The following WDR7 variants were observed in gnomAD, a reference collection of about 807,000 sequenced individuals.
WDR7 encodes the protein WD repeat-containing protein 7.
In WDR7, 46 loss-of-function variants were observed where a neutral mutation model predicts 169.4. That is an observed-to-expected ratio of 0.27 (90% confidence interval 0.21 to 0.35). The LOEUF is 0.35. WDR7 is among the 10% of genes least tolerant of loss of function. The pLI is 1.00. For synonymous variants in WDR7, 612 were observed against 666.8 expected, an observed-to-expected ratio of 0.92 and a Z score of 1.27; for missense variants, 1,534 against 1,859.3, an observed-to-expected ratio of 0.83 and a Z score of 3.22.
At chr18:56,854,802 T>C (rs549417020) in intron 20 of WDR7, among the ~76,000 whole-genome samples, 16 of 152,212 alleles carry the variant, frequency 1.1e-4, no homozygotes, top group African/African-American at 3.1e-4. Context: ...CATTCCTGCC[T>C]TGGGGAGAAA....
At chr18:56,918,759 C>A (rs1047883452) in intron 21 of WDR7, among the ~76,000 whole-genome samples, 17 of 152,170 alleles carry the variant, frequency 1.1e-4, no homozygotes, top group Admixed American at 8.5e-4. Flanking sequence ...TTAGAAATTT[C>A]TGACCTGTGC....
intron 21 of WDR7, among the ~76,000 whole-genome samples, chr18:56,885,385 A>G (rs984107564): frequency 3.3e-5 from 5 of 152,156 alleles, no homozygotes; most frequent in African/African-American, 4.8e-5. Context: ...AATCAAAAAA[A>G]TTATATAAGA....
At chr18:56,694,912 CA>C in intron 10 of WDR7, 37 bp from the exon 11 acceptor site, 2 of 1,570,864 alleles carry the variant, frequency 1.3e-6, no homozygotes, top group Non-Finnish European at 1.7e-6. Flanking sequence ...TTAACATGCA[CA>C]AATGTTTTTC....
Position 56,662,725 on chromosome 18 carries a change from A to T in WDR7, c.-19-9772A>T, listed in dbSNP as rs547140751. ...AACAGGTGATGGAGGAACAAGGAAG[A>T]AGTTAAATGATGTCATAAAAAACAA... On this transcript the variant is annotated intron_variant, in intron 1 of 27. Transcript: ENST00000254442. Among the ~76,000 whole-genome samples the T allele has an allele frequency of 7.2e-5, 11 of 152,314 alleles. 1 individual carries two copies. The South Asian group carries it at 2.3e-3, about 32-fold the overall frequency.
intron 16 of WDR7, among the ~76,000 whole-genome samples, chr18:56,762,286 T>C (rs969273857): frequency 6.6e-6 from 1 of 152,030 alleles, no homozygotes; most frequent in East Asian, 1.9e-4. Context: ...ATTATTCAGG[T>C]TACAAAAACT....
chr18:56,862,897 G>A (rs1485911677), intron 20 of WDR7, among the ~76,000 whole-genome samples: 1 of 151,734 alleles, frequency 6.6e-6, no homozygotes, highest in Non-Finnish European at 1.5e-5. Context: ...AGGATAAGTT[G>A]CAACTTAGTT....
At chr18:56,898,440 A>G (rs570959586) in intron 21 of WDR7, among the ~76,000 whole-genome samples, 126 of 152,136 alleles carry the variant, frequency 8.3e-4, no homozygotes, top group African/African-American at 2.9e-3. Flanking sequence ...TCCTCCCAAG[A>G]TATGTATCAG....
intron 19 of WDR7, among the ~76,000 whole-genome samples, chr18:56,800,189 A>T (rs1350869628): frequency 6.6e-6 from 1 of 152,200 alleles, no homozygotes; most frequent in Non-Finnish European, 1.5e-5. Context: ...AGAGGCAATG[A>T]TTGGTGCTCC....
In WDR7 at chr18:57,027,438, CACCA is replaced by C. The variant is rs2048382967; in HGVS notation, c.*232_*235del. On this transcript the variant is annotated 3_prime_UTR_variant, in exon 28 of 28. Transcript: ENST00000254442. The stretch of plus-strand genomic sequence containing the variant: ...GCTCTGCAGGATGTGGCCATCCTGT[CACCA>C]GGTAGTTTTTCCCTGCCAGAGATGG... 1 of 545,798 alleles carries C rather than the reference CACCA, an allele frequency of 1.8e-6. No homozygotes were observed. The highest frequency in any genetic ancestry group is 3.2e-6 in the Non-Finnish European group (1 of 315,186). 33.8% of individuals were successfully genotyped at this position (545,798 alleles called of 1,614,324 possible).
intron 27 of WDR7, among the ~76,000 whole-genome samples, chr18:57,023,207 G>A (rs1243585562): frequency 2.6e-5 from 4 of 152,186 alleles, no homozygotes; most frequent in Non-Finnish European, 4.4e-5. Context: ...CCAAAAAACA[G>A]TATTAGATCT....
At chr18:56,792,636 G>A (rs961413702) in intron 19 of WDR7, among the ~76,000 whole-genome samples, 6 of 92,930 alleles carry the variant, frequency 6.5e-5, no homozygotes, top group Non-Finnish European at 1.1e-4. Flanking sequence ...TTTGAAAAAT[G>A]TTTCATTTCT....
chr18:56,775,180 C>G (rs1000521906), intron 16 of WDR7, among the ~76,000 whole-genome samples: 7 of 152,012 alleles, frequency 4.6e-5, no homozygotes, highest in Admixed American at 2.0e-4. Flanking sequence ...ATTCTATTGT[C>G]CTTTCAGAAT....
Position 56,816,049 on chromosome 18 carries a change from C to T in WDR7, c.3209C>T (p.Ala1070Val). 1.9e-6 allele frequency: 3 copies of T among 1,610,564 alleles called. No homozygotes were observed. Among genetic ancestry groups the T allele is most frequent in the South Asian group, 1.1e-5 (1 of 90,370 alleles). Residue 1070 changes from alanine to valine, a missense_variant, in exon 20 of 28, where the codon GCC (alanine) becomes GTC (valine). Coordinates refer to ENST00000254442, the MANE Select transcript of WDR7 (RefSeq NM_015285.3). The part of the protein sequence containing the change: ...HVISPGVTSE[A>V]AQTITTAPDA... ...GTTTTAGCTGGAGTCACATCAGAAG[C>T]CGCGCAGACTATCACCACGGCTCCT...
At chr18:56,902,768 GA>G (rs780399071) in intron 21 of WDR7, among the ~76,000 whole-genome samples, 59 of 152,266 alleles carry the variant, frequency 3.9e-4, no homozygotes, top group Non-Finnish European at 6.9e-4. Flanking sequence ...ACAAAAGACA[GA>G]CAAGTATGAT....
chr18:56,991,220 C>T (rs1346725450), intron 26 of WDR7, among the ~76,000 whole-genome samples: 2 of 149,938 alleles, frequency 1.3e-5, no homozygotes, highest in African/African-American at 2.5e-5. Flanking sequence ...GATCGCGGCT[C>T]ACCGCAAGCT....
chr18:56,810,837 T>C (rs2044856364), intron 19 of WDR7, among the ~76,000 whole-genome samples: 1 of 152,082 alleles, frequency 6.6e-6, no homozygotes, highest in African/African-American at 2.4e-5. Flanking sequence ...AATTCAGTGG[T>C]TTTTTAAGCT....
intron 21 of WDR7, among the ~76,000 whole-genome samples, chr18:56,908,114 G>A (rs1040357793): frequency 6.6e-6 from 1 of 152,094 alleles, no homozygotes; most frequent in African/African-American, 2.4e-5. Flanking sequence ...CTGATTTTAA[G>A]CTCATTTACT....
intron 20 of WDR7, among the ~76,000 whole-genome samples, chr18:56,862,167 A>G (rs1459671724): frequency 1.3e-5 from 2 of 151,992 alleles, no homozygotes; most frequent in African/African-American, 2.4e-5. Flanking sequence ...CTACTTTACT[A>G]TCGTCCACTA....
At chr18:56,744,245 G>GAAAAAAAAAAAA (rs58110613) in intron 14 of WDR7, among the ~76,000 whole-genome samples, 4 of 86,884 alleles carry the variant, frequency 4.6e-5, no homozygotes, top group East Asian at 9.6e-4. Context: ...TCTCAAAAAA[G>GAAAAAAAAAAAA]AAAAAAAAAA....
Sources: allele counts gnomAD v4.1 joint callset (sites outside exome capture counted in the v4.1 genomes callset), GRCh38; gene constraint gnomAD v4.1.1; transcripts MANE v1.5; gene names NCBI Gene and HGNC (gene_info 2026-07-23, HGNC 2026-07-21).